ZFHX3: variants seen among roughly 807,000 people sequenced by gnomAD.
The protein encoded by ZFHX3 is zinc finger homeobox protein 3.
Under a neutral mutation model 279.1 loss-of-function variants are expected in ZFHX3, and 42 were observed. The observed-to-expected ratio is 0.15, with a 90% CI of 0.12 to 0.19. ZFHX3 has a LOEUF of 0.19. Ranked by LOEUF, ZFHX3 falls within the 10% of genes least tolerant of loss-of-function variation. The pLI, the probability that ZFHX3 is intolerant of heterozygous loss-of-function variation, is 1.00. For missense variants in ZFHX3, 4,981 were observed against 4,754.0 expected (o/e 1.05, Z -1.40); for synonymous variants, 2,293 against 1,957.8 (o/e 1.17, Z -4.52).
At chr16:73,135,001 T>C (rs897799968) in intron 6 of ZFHX3, among the ~76,000 whole-genome samples, 2 of 152,282 alleles carry the variant, frequency 1.3e-5, no homozygotes, top group Middle Eastern at 3.4e-3. Context: ...TGTATCTTTG[T>C]TGCAAACCAC....
At chr16:72,812,755 C>T (rs1318509727) in intron 5 of ZFHX3, among the ~76,000 whole-genome samples, 1 of 152,122 alleles carries the variant, frequency 6.6e-6, no homozygotes, top group African/African-American at 2.4e-5. Context: ...CCAAACCATG[C>T]CTCCATGCCC....
intron 5 of ZFHX3, among the ~76,000 whole-genome samples, chr16:73,167,114 G>T (rs1230314903): frequency 6.6e-6 from 1 of 152,202 alleles, no homozygotes. Flanking sequence ...GCTGTTGGAT[G>T]GTTAATGTTT....
chr16:73,519,666 T>A (rs1273763055), intron 2 of ZFHX3, among the ~76,000 whole-genome samples: 1 of 152,154 alleles, frequency 6.6e-6, no homozygotes, highest in Non-Finnish European at 1.5e-5. Context: ...AGAGTCTCTA[T>A]TCCCAGGGAC....
intron 1 of ZFHX3, among the ~76,000 whole-genome samples, chr16:73,003,876 T>C (rs1271585538): frequency 6.6e-6 from 1 of 151,218 alleles, no homozygotes; most frequent in Non-Finnish European, 1.5e-5. Flanking sequence ...TCTTGACACA[T>C]ACTGCCAAAT....
intron 1 of ZFHX3, among the ~76,000 whole-genome samples, chr16:73,726,906 C>A (rs1336834425): frequency 6.6e-6 from 1 of 152,182 alleles, no homozygotes; most frequent in African/African-American, 2.4e-5. Flanking sequence ...CATTAGATTC[C>A]AGTAGCACAC....
intron 1 of ZFHX3, among the ~76,000 whole-genome samples, chr16:73,027,331 T>A (rs1199699800): frequency 6.6e-6 from 1 of 152,194 alleles, no homozygotes. Flanking sequence ...CCCAGGCTTA[T>A]TACAATTTTA....
chr16:73,606,839 T>C (rs2052190181), intron 2 of ZFHX3, among the ~76,000 whole-genome samples: 1 of 152,172 alleles, frequency 6.6e-6, no homozygotes, highest in Non-Finnish European at 1.5e-5. Flanking sequence ...AGTGTTTGGT[T>C]TTCTGTTCCT....
intron 2 of ZFHX3, among the ~76,000 whole-genome samples, chr16:73,658,406 A>G (rs2052744635): frequency 1.3e-5 from 2 of 152,158 alleles, no homozygotes; most frequent in South Asian, 4.2e-4. Context: ...CCTGGGTTCA[A>G]GCAATTCTGC....
chr16:73,618,594 A>T (rs1323519748), intron 2 of ZFHX3, among the ~76,000 whole-genome samples: 4 of 152,214 alleles, frequency 2.6e-5, no homozygotes, highest in Non-Finnish European at 4.4e-5. Flanking sequence ...CGCTTTGTCA[A>T]GACTCACAGG....
chr16:73,434,602 T>C (rs1287734476), intron 3 of ZFHX3, among the ~76,000 whole-genome samples: 2 of 44,870 alleles, frequency 4.5e-5, no homozygotes, highest in Non-Finnish European at 9.8e-5. Context: ...GACTCATCTA[T>C]GGATGGTGTT....
chr16:72,958,797 T>A lies in ZFHX3; in HGVS notation c.1349A>T (p.Asp450Val), dbSNP rs765862442. Residue 450 changes from aspartate (D) to valine (V), a missense_variant, in exon 2 of 10, where the codon GAT (aspartate) becomes GTT (valine). Transcript: ENST00000268489. ...TGGCTCTACCTTCTCAGAGAAGCAA[T>A]CCCCGTCGCCCACTTCCTGCTTCTC... ...EGEKQEVGDG[D>V]CFSEKVEPAE... The A allele has an allele frequency of 8.1e-6, 13 of 1,614,002 alleles. No homozygotes were observed. Among genetic ancestry groups the A allele is most frequent in the Non-Finnish European group, 1.1e-5 (13 of 1,179,994 alleles).
chr16:72,917,296 T>G (rs939431265), intron 3 of ZFHX3, among the ~76,000 whole-genome samples: 5 of 152,146 alleles, frequency 3.3e-5, no homozygotes, highest in African/African-American at 9.7e-5. Context: ...GTTTTCGCCA[T>G]GTAAAATTTC....
At chr16:73,130,468 G>A (rs1363638806) in intron 7 of ZFHX3, among the ~76,000 whole-genome samples, 1 of 152,220 alleles carries the variant, frequency 6.6e-6, no homozygotes, top group Non-Finnish European at 1.5e-5. Flanking sequence ...GCTTTGCACT[G>A]AGGCAGTAGG....
chr16:73,182,970 C>T (rs1052271297), intron 5 of ZFHX3, among the ~76,000 whole-genome samples: 6 of 152,110 alleles, frequency 3.9e-5, no homozygotes, highest in Non-Finnish European at 5.9e-5. Context: ...TTTGGAAGGC[C>T]GAGGTGGGTG....
chr16:72,828,551 T>C (rs1442147938), intron 5 of ZFHX3, among the ~76,000 whole-genome samples: 5 of 152,184 alleles, frequency 3.3e-5, no homozygotes, highest in African/African-American at 4.8e-5. Flanking sequence ...CTGCACTGCT[T>C]GTCTCCCCTT....
At chr16:73,187,144 TCACACACACA>T (rs71156147) in intron 5 of ZFHX3, among the ~76,000 whole-genome samples, 2 of 146,986 alleles carry the variant, frequency 1.4e-5, no homozygotes, top group South Asian at 2.2e-4. Flanking sequence ...GTTGTATGTC[TCACACACACA>T]CACACACACA....
intron 1 of ZFHX3, among the ~76,000 whole-genome samples, chr16:73,036,791 C>G (rs905886228): frequency 1.3e-4 from 20 of 152,084 alleles, no homozygotes; most frequent in African/African-American, 4.8e-4. Context: ...GTCTGAACTT[C>G]CAGGTCCCTT....
At chr16:73,121,884 G>A (rs1397275829) in intron 7 of ZFHX3, among the ~76,000 whole-genome samples, 1 of 151,968 alleles carries the variant, frequency 6.6e-6, no homozygotes, top group African/African-American at 2.4e-5. Flanking sequence ...GAAAGTGTTG[G>A]GATTACAGGC....
chr16:73,288,210 T>A (rs1277721038), intron 4 of ZFHX3, among the ~76,000 whole-genome samples: 1 of 141,234 alleles, frequency 7.1e-6, no homozygotes, highest in Non-Finnish European at 1.5e-5. Flanking sequence ...CTTTGGGGGC[T>A]GGGGTGGAGA....
Sources: gnomAD v4.1 joint callset for allele counts (sites outside exome capture counted in the v4.1 genomes callset) on GRCh38, gnomAD v4.1.1 for gene constraint, MANE v1.5 for transcripts, NCBI Gene and HGNC (gene_info 2026-07-23, HGNC 2026-07-21) for gene names.